LRP1B: variants seen among roughly 807,000 people sequenced by gnomAD.
LRP1B encodes LDL receptor related protein 1B.
In LRP1B, 217 loss-of-function variants were observed where a neutral mutation model predicts 556.6. The ratio of observed to expected loss-of-function variants is 0.39; its 90% CI spans 0.35 to 0.44. The LOEUF (loss-of-function observed/expected upper bound fraction) is 0.44, where lower values mean the gene tolerates loss of function less well. Ranked by LOEUF, LRP1B falls within the 20% of genes least tolerant of loss-of-function variation. The pLI is 1.00. For synonymous variants in LRP1B, 2,047 were observed against 1,865.8 expected (o/e 1.10, Z -2.50); for missense variants, 5,053 against 5,620.8 (o/e 0.90, Z 3.23).
At chr2:141,850,005 A>G (rs1347123245) in intron 1 of LRP1B, among the ~76,000 whole-genome samples, 1 of 151,734 alleles carries the variant, frequency 6.6e-6, no homozygotes, top group Non-Finnish European at 1.5e-5. Flanking sequence ...AAGTTGAATC[A>G]GGCAAAATCT....
At chr2:140,839,468 C>T (rs879155726) in intron 31 of LRP1B, among the ~76,000 whole-genome samples, 5 of 152,148 alleles carry the variant, frequency 3.3e-5, no homozygotes, top group Admixed American at 1.3e-4. Context: ...CAGCTGCTAG[C>T]GTAAAAGCAG....
At chr2:141,395,687 C>A (rs11889014) in intron 3 of LRP1B, among the ~76,000 whole-genome samples, 2,083 of 151,976 alleles carry the variant, frequency 0.014, 42 homozygotes, top group African/African-American at 0.047. Context: ...ATTTTCTAAG[C>A]AGAAAAGGTA....
chr2:140,552,873 A>T (rs962738299), intron 43 of LRP1B, among the ~76,000 whole-genome samples: 8 of 152,110 alleles, frequency 5.3e-5, no homozygotes, highest in African/African-American at 1.9e-4. Flanking sequence ...TGTCATACAG[A>T]CTTGAATTTT....
At chr2:140,449,671 A>G (rs1558890429) in intron 63 of LRP1B, among the ~76,000 whole-genome samples, 2 of 152,182 alleles carry the variant, frequency 1.3e-5, no homozygotes, top group Admixed American at 6.6e-5. Flanking sequence ...AATACAGCCT[A>G]TCTAAGTAAA....
chr2:140,922,447 A>G (rs2105257093), intron 21 of LRP1B, among the ~76,000 whole-genome samples: 1 of 152,136 alleles, frequency 6.6e-6, no homozygotes, highest in South Asian at 2.1e-4. Context: ...AGAAATAAGC[A>G]ATAGTACAGT....
At chr2:140,957,969 A>G (rs902869482) in intron 18 of LRP1B, among the ~76,000 whole-genome samples, 1 of 151,536 alleles carries the variant, frequency 6.6e-6, no homozygotes, top group Non-Finnish European at 1.5e-5. Flanking sequence ...ATCAGTCACG[A>G]GCTCTACTTC....
chr2:141,377,601 T>C (rs533973794), intron 3 of LRP1B, among the ~76,000 whole-genome samples: 3 of 152,116 alleles, frequency 2.0e-5, no homozygotes, highest in Non-Finnish European at 4.4e-5. Context: ...ATGCAACATA[T>C]AGAAAAATGC....
intron 2 of LRP1B, among the ~76,000 whole-genome samples, chr2:141,772,779 T>C (rs763358943): frequency 6.6e-6 from 1 of 152,210 alleles, no homozygotes; most frequent in Non-Finnish European, 1.5e-5. Context: ...TGCTTCACAC[T>C]GGGTTCCTGG....
chr2:141,003,344 G>A (rs183247040), intron 15 of LRP1B, among the ~76,000 whole-genome samples: 1 of 152,002 alleles, frequency 6.6e-6, no homozygotes, highest in Non-Finnish European at 1.5e-5. Flanking sequence ...CTAATTATGT[G>A]AACTTGCAAA....
At chr2:141,436,407 G>C (rs1246696318) in intron 3 of LRP1B, among the ~76,000 whole-genome samples, 1 of 152,128 alleles carries the variant, frequency 6.6e-6, no homozygotes, top group Admixed American at 6.5e-5. Flanking sequence ...GTTGCCAGGG[G>C]TTGAGAGATG....
chr2:140,708,963 A>G (rs1686937461), intron 37 of LRP1B, among the ~76,000 whole-genome samples: 3 of 152,054 alleles, frequency 2.0e-5, no homozygotes, highest in Admixed American at 1.3e-4. Flanking sequence ...GATGCAAAAT[A>G]TACTCTAAGA....
chr2:142,099,977 G>A (rs1281923511), intron 1 of LRP1B, among the ~76,000 whole-genome samples: 1 of 151,854 alleles, frequency 6.6e-6, no homozygotes, highest in African/African-American at 2.4e-5. Flanking sequence ...TTGTAATAGA[G>A]CCTGGTTCAC....
At chr2:141,254,406 GA>G in intron 4 of LRP1B, 115 bp downstream of exon 4, 1 of 1,021,754 alleles carries the variant, frequency 9.8e-7, no homozygotes, top group Non-Finnish European at 1.4e-6. Flanking sequence ...TCTCAAGAAA[GA>G]AAAGTTAACA....
intron 68 of LRP1B, among the ~76,000 whole-genome samples, chr2:140,376,176 G>A (rs914086185): frequency 6.6e-6 from 1 of 151,974 alleles, no homozygotes; most frequent in South Asian, 2.1e-4. Flanking sequence ...AAAATGTCTG[G>A]ATATATGGAG....
chr2:141,554,316 A>G (rs1685881603), intron 2 of LRP1B, among the ~76,000 whole-genome samples: 1 of 148,056 alleles, frequency 6.8e-6, no homozygotes, highest in Non-Finnish European at 1.5e-5. Flanking sequence ...ATCTATAGGA[A>G]TAGACATAGA....
intron 2 of LRP1B, among the ~76,000 whole-genome samples, chr2:141,506,721 A>G (rs34531296): frequency 0.14 from 21,737 of 151,932 alleles, 1,688 homozygotes; most frequent in African/African-American, 0.17. Context: ...GCACTTTTGG[A>G]CGGCTATATA....
chr2:141,674,642 C>A (rs1387108293), intron 2 of LRP1B, among the ~76,000 whole-genome samples: 1 of 151,934 alleles, frequency 6.6e-6, no homozygotes, highest in Non-Finnish European at 1.5e-5. Context: ...TACAGAATAA[C>A]CCTGTGAAGC....
intron 23 of LRP1B, among the ~76,000 whole-genome samples, chr2:140,892,078 CT>C (rs912912549): frequency 2.0e-5 from 3 of 151,840 alleles, no homozygotes; most frequent in Non-Finnish European, 4.4e-5. Context: ...AGTCCAGTGT[CT>C]TTTACTAGAT....
At chr2:140,866,042 A>G (rs906259678) in intron 27 of LRP1B, among the ~76,000 whole-genome samples, 5 of 152,242 alleles carry the variant, frequency 3.3e-5, no homozygotes, top group Admixed American at 2.0e-4. Flanking sequence ...GTGAGGAGGA[A>G]TGATGCAATA....
Sources: allele counts gnomAD v4.1 joint callset (sites outside exome capture counted in the v4.1 genomes callset), GRCh38; gene constraint gnomAD v4.1.1; transcripts MANE v1.5; gene names NCBI Gene and HGNC (gene_info 2026-07-23, HGNC 2026-07-21).